Variants in CACNA1E observed in about 807,000 individuals in gnomAD.
The protein encoded by CACNA1E is voltage-dependent R-type calcium channel subunit alpha-1E.
CACNA1E carries 40 observed loss-of-function variants against 259.2 expected under a neutral mutation model. That is an observed-to-expected ratio of 0.15 (90% CI 0.12 to 0.20). CACNA1E has a LOEUF of 0.20. CACNA1E is among the 10% of genes least tolerant of loss of function. The pLI, the probability that CACNA1E is intolerant of heterozygous loss-of-function variation, is 1.00. For synonymous variants in CACNA1E, 1,104 were observed against 1,138.5 expected (o/e 0.97, Z 0.61); for missense variants, 1,874 against 3,040.1 (o/e 0.62, Z 9.02).
chr1:181,682,494 C>T (rs1356720436), intron 7 of CACNA1E, among the ~76,000 whole-genome samples: 2 of 152,144 alleles, frequency 1.3e-5, no homozygotes, highest in African/African-American at 4.8e-5. Context: ...TTGTCCCTCC[C>T]AGCAAATCCC....
intron 3 of CACNA1E, among the ~76,000 whole-genome samples, chr1:181,545,140 A>C (rs1057311833): frequency 2.0e-5 from 3 of 152,184 alleles, no homozygotes; most frequent in Non-Finnish European, 4.4e-5. Flanking sequence ...GTACATAAAT[A>C]AGCATGGGGC....
chr1:181,722,046 T>C (rs1654458582), intron 16 of CACNA1E, among the ~76,000 whole-genome samples, 171 bp downstream of exon 16: 1 of 152,186 alleles, frequency 6.6e-6, no homozygotes, highest in South Asian at 2.1e-4. Context: ...TATGTACTAG[T>C]TGGGTAAAGA....
At chr1:181,330,635 C>T (rs918842484) in intron 1 of CACNA1E, among the ~76,000 whole-genome samples, 1 of 152,196 alleles carries the variant, frequency 6.6e-6, no homozygotes, top group Non-Finnish European at 1.5e-5. Flanking sequence ...CATAAAGCTG[C>T]CCAAGTCCCT....
intron 2 of CACNA1E, among the ~76,000 whole-genome samples, chr1:181,426,398 AT>A (rs140147137): frequency 0.4 from 58,607 of 148,346 alleles, 11,865 homozygotes; most frequent in African/African-American, 0.45. Flanking sequence ...ACCGCTTCCC[AT>A]CTCAGCCACT....
intron 1 of CACNA1E, among the ~76,000 whole-genome samples, chr1:181,355,960 T>G (rs954701035): frequency 6.6e-6 from 1 of 152,216 alleles, no homozygotes; most frequent in Non-Finnish European, 1.5e-5. Flanking sequence ...TCATATAATA[T>G]TAAAGTTGTT....
chr1:181,788,067 C>T (rs1241415705), intron 43 of CACNA1E, among the ~76,000 whole-genome samples: 1 of 152,156 alleles, frequency 6.6e-6, no homozygotes, highest in Non-Finnish European at 1.5e-5. Flanking sequence ...GGCAGGAACA[C>T]CATTTCGTAG....
At chr1:181,707,420 G>A (rs907371477) in intron 7 of CACNA1E, among the ~76,000 whole-genome samples, 3 of 152,120 alleles carry the variant, frequency 2.0e-5, no homozygotes, top group South Asian at 2.1e-4. Flanking sequence ...GGAACCCAGC[G>A]AGTGAGACCT....
Position 181,732,969 on chromosome 1 carries a change from G to A in CACNA1E, c.2883G>A (p.Glu961=). The A allele has an allele frequency of 6.2e-7, 1 of 1,613,882 alleles. No individual in the cohort carries two copies. Among genetic ancestry groups the A allele is most frequent in the Non-Finnish European group, 8.5e-7 (1 of 1,179,854 alleles). The part of the protein sequence containing the change: ...AMPTEGEKDH[E]LRGNHGAKEP... ...CCACTGAAGGGGAGAAGGACCATGAGCTCAGGGGCAACCATGGTGCCAAGG... is the reference window on the plus strand; with the variant it reads ...CCACTGAAGGGGAGAAGGACCATGAACTCAGGGGCAACCATGGTGCCAAGG... Residue 961 remains glutamate, a synonymous_variant, in exon 20 of 48, where the codon GAG becomes GAA. Coordinates refer to ENST00000367573, the MANE Select transcript of CACNA1E (RefSeq NM_001205293.3). This position sits in a 1 kb window ranked among gnomAD's most constrained non-coding sequence, Gnocchi z 5.5.
At chr1:181,328,159 GT>G (rs2102586108) in intron 1 of CACNA1E, among the ~76,000 whole-genome samples, 1 of 152,292 alleles carries the variant, frequency 6.6e-6, no homozygotes, top group East Asian at 1.9e-4. Context: ...AGGCTGGGAA[GT>G]CTGATATCAA....
At chr1:181,419,666 T>G (rs1557988978) in intron 2 of CACNA1E, among the ~76,000 whole-genome samples, 2 of 152,232 alleles carry the variant, frequency 1.3e-5, no homozygotes, top group Non-Finnish European at 2.9e-5. Flanking sequence ...AGTGTGCAGT[T>G]GACTCACAAT....
chr1:181,532,016 G>A lies in CACNA1E; in HGVS notation c.512+20506G>A, dbSNP rs560214908. On this transcript the variant is annotated intron_variant, in intron 3 of 47. Transcript: ENST00000367573. ...GGTTGCAGTGAGCCGCCATTGCACC[G>A]TTGCACTCCAGCCTGGGCAACAGAG... Among the ~76,000 whole-genome samples, 10 of 152,192 alleles carry A rather than the reference G, an allele frequency of 6.6e-5. 1 individual carries two copies. Among genetic ancestry groups the A allele is most frequent in the South Asian group, 6.2e-4 (3 of 4,816 alleles).
intron 2 of CACNA1E, among the ~76,000 whole-genome samples, chr1:181,472,062 A>G (rs917211628): frequency 2.0e-5 from 3 of 152,176 alleles, no homozygotes; most frequent in African/African-American, 4.8e-5. Flanking sequence ...CACACACACA[A>G]TGGATTTTTA....
chr1:181,579,652 G>A (rs3856090), intron 5 of CACNA1E, among the ~76,000 whole-genome samples: 51,539 of 151,170 alleles, frequency 0.34, 9,164 homozygotes, highest in South Asian at 0.46. Flanking sequence ...TCTGTCTACA[G>A]AAAAAAAAAG....
intron 34 of CACNA1E, among the ~76,000 whole-genome samples, chr1:181,765,908 G>A (rs199923): frequency 0.25 from 38,271 of 152,156 alleles, 4,880 homozygotes; most frequent in South Asian, 0.33. Flanking sequence ...ATAAGCATGC[G>A]CAGTATGGAA....
intron 7 of CACNA1E, among the ~76,000 whole-genome samples, chr1:181,682,823 C>G (rs1385240506): frequency 6.6e-6 from 1 of 152,178 alleles, no homozygotes; most frequent in East Asian, 1.9e-4. Context: ...ATCACAAGAG[C>G]AGCACCGAGG....
At chr1:181,392,140 TC>T (rs753618853) in intron 1 of CACNA1E, among the ~76,000 whole-genome samples, 1 of 152,158 alleles carries the variant, frequency 6.6e-6, no homozygotes, top group Non-Finnish European at 1.5e-5. Context: ...GTTTGGTACC[TC>T]CAGAATACAA....
In CACNA1E at chr1:181,680,319, A is replaced by G. The variant is rs923951202; in HGVS notation, c.1055+28878A>G. Reference sequence around the variant, plus strand: ...CTATGTCCTTCTTGTGACAGTGGCTAGGCACTTTCAAGGAGCCAGGTCTGA... The same window carrying G: ...CTATGTCCTTCTTGTGACAGTGGCTGGGCACTTTCAAGGAGCCAGGTCTGA... On this transcript the variant is annotated intron_variant, in intron 7 of 47. Transcript: ENST00000367573. 1.4e-4 allele frequency among the ~76,000 whole-genome samples: 21 copies of G among 152,170 alleles called. No homozygotes were observed. The East Asian group carries it at 4.1e-3, about 29-fold the overall frequency.
chr1:181,332,170 C>T (rs1651325328), intron 1 of CACNA1E, among the ~76,000 whole-genome samples: 2 of 152,166 alleles, frequency 1.3e-5, no homozygotes, highest in Non-Finnish European at 2.9e-5. Flanking sequence ...ACGATGAGAA[C>T]ACATGGACAC....
intron 6 of CACNA1E, among the ~76,000 whole-genome samples, chr1:181,648,072 C>CT (rs771352261): frequency 6.6e-6 from 1 of 152,202 alleles, no homozygotes; most frequent in Non-Finnish European, 1.5e-5. Context: ...CCATCCTCCT[C>CT]TTTTTTCATC....
Sources: allele counts gnomAD v4.1 joint callset (sites outside exome capture counted in the v4.1 genomes callset), GRCh38; gene constraint gnomAD v4.1.1; non-coding constraint Gnocchi (gnomAD v3.1); transcripts MANE v1.5; gene names NCBI Gene and HGNC (gene_info 2026-07-23, HGNC 2026-07-21).